CSMD3: variants seen among roughly 807,000 people sequenced by gnomAD.
CSMD3 encodes CUB and sushi domain-containing protein 3.
Under a neutral mutation model 435.2 loss-of-function variants are expected in CSMD3, and 177 were observed. The ratio of observed to expected loss-of-function variants is 0.41; its 90% CI spans 0.36 to 0.46. The LOEUF (loss-of-function observed/expected upper bound fraction) is 0.46. Ranked by LOEUF, CSMD3 falls within the 20% of genes least tolerant of loss-of-function variation. CSMD3 has a pLI of 0.34. For missense variants in CSMD3, 4,265 were observed against 4,504.6 expected (o/e 0.95, Z 1.52); for synonymous variants, 1,656 against 1,520.5 (o/e 1.09, Z -2.07).
chr8:112,615,701 C>A (rs146116630), intron 22 of CSMD3, among the ~76,000 whole-genome samples: 8 of 151,786 alleles, frequency 5.3e-5, no homozygotes, highest in Admixed American at 2.6e-4. Context: ...ATAAACCATA[C>A]GAAAAAAGAG....
rs187689068 is a variant in CSMD3, at chr8:112,374,350, T to C, written c.6136+6002A>G. Reference sequence around the variant, plus strand: ...TCTTTTTCCATATCCTGTAACTCTCTTTTTCACATCTATTTATCTGTATCC... The same window carrying C: ...TCTTTTTCCATATCCTGTAACTCTCCTTTTCACATCTATTTATCTGTATCC... On this transcript the variant is annotated intron_variant, in intron 38 of 70. Transcript: ENST00000297405. Among the ~76,000 whole-genome samples the C allele has an allele frequency of 4.5e-4, 69 of 152,300 alleles. No individual in the cohort carries two copies. In the East Asian group the frequency reaches 0.012, roughly 27 times the overall value.
In CSMD3 at chr8:112,638,891, T is replaced by A. The variant is rs2131590119; in HGVS notation, c.3331A>T (p.Thr1111Ser). ...TCATGATGGTCTTCCAAATGAAAAG[T>A]GTGGAAGTTGAACTGCACACCTATT... ...HGKGVQFNFH[T>S]FHLEDHHDYL... The change falls in exon 21 of 71, where the codon ACT (threonine) becomes TCT (serine). Residue 1111 changes from threonine to serine, a missense_variant. Around this residue, in one of 3 missense-constraint regions of CSMD3, gnomAD observed 3,255 missense variants for 3,380.2 expected, o/e 0.96. Transcript: ENST00000297405. The A allele has an allele frequency of 1.2e-6, 2 of 1,612,682 alleles. No individual in the cohort carries two copies. The highest frequency in any genetic ancestry group is 1.7e-6 in the Non-Finnish European group (2 of 1,179,026).
chr8:112,692,832 G>T (rs2076165215), intron 13 of CSMD3, among the ~76,000 whole-genome samples: 1 of 151,994 alleles, frequency 6.6e-6, no homozygotes, highest in African/African-American at 2.4e-5. Context: ...TTTTATGACA[G>T]TATATTATTA....
chr8:112,932,451 T>G (rs1259294420), intron 9 of CSMD3, among the ~76,000 whole-genome samples: 1 of 152,124 alleles, frequency 6.6e-6, no homozygotes, highest in Non-Finnish European at 1.5e-5. Context: ...TTTCACCATG[T>G]TAGCCAGGGT....
At chr8:112,715,151 A>C (rs1455109034) in intron 13 of CSMD3, among the ~76,000 whole-genome samples, 1 of 152,130 alleles carries the variant, frequency 6.6e-6, no homozygotes, top group Non-Finnish European at 1.5e-5. Context: ...TTTTGAAAAA[A>C]TTAACAAAAT....
chr8:112,496,813 G>T (rs988024075), intron 30 of CSMD3, among the ~76,000 whole-genome samples: 1 of 152,194 alleles, frequency 6.6e-6, no homozygotes, highest in South Asian at 2.1e-4. Context: ...TAGTAGAGGT[G>T]TTGGGGGGAA....
intron 38 of CSMD3, among the ~76,000 whole-genome samples, chr8:112,365,313 T>A (rs1827660040): frequency 6.6e-6 from 1 of 152,048 alleles, no homozygotes; most frequent in Non-Finnish European, 1.5e-5. Context: ...CTTATTTATA[T>A]GTTAGGTAAT....
intron 13 of CSMD3, among the ~76,000 whole-genome samples, chr8:112,697,026 G>C (rs1431747276): frequency 2.6e-5 from 4 of 151,260 alleles, no homozygotes; most frequent in African/African-American, 9.8e-5. Context: ...ACCACAATGA[G>C]ATACCATCTC....
chr8:112,664,278 T>C (rs983233510), intron 17 of CSMD3, among the ~76,000 whole-genome samples: 1 of 152,158 alleles, frequency 6.6e-6, no homozygotes, highest in East Asian at 1.9e-4. Flanking sequence ...GATGAAATCT[T>C]TGTCCTATTG....
chr8:112,696,115 T>C (rs906561311), intron 13 of CSMD3, among the ~76,000 whole-genome samples: 1 of 152,114 alleles, frequency 6.6e-6, no homozygotes, highest in Non-Finnish European at 1.5e-5. Flanking sequence ...CTCATGGATA[T>C]GAAGAATCAG....
intron 1 of CSMD3, among the ~76,000 whole-genome samples, chr8:113,408,730 T>G (rs1303157985): frequency 6.6e-6 from 1 of 151,658 alleles, no homozygotes; most frequent in Non-Finnish European, 1.5e-5. Flanking sequence ...AAATCTTGGC[T>G]CACTGCAACC....
At chr8:113,176,490 T>G (rs1234328611) in intron 3 of CSMD3, among the ~76,000 whole-genome samples, 1 of 152,162 alleles carries the variant, frequency 6.6e-6, no homozygotes, top group African/African-American at 2.4e-5. Flanking sequence ...GATTATGTTC[T>G]GATTGAACAT....
chr8:112,407,281 T>C (rs1010432638), intron 34 of CSMD3, among the ~76,000 whole-genome samples: 1 of 152,020 alleles, frequency 6.6e-6, no homozygotes, highest in African/African-American at 2.4e-5. Context: ...GTCAGACAGA[T>C]TAACAACAAT....
chr8:113,140,104 T>G (rs1212594942), intron 4 of CSMD3, among the ~76,000 whole-genome samples: 1 of 150,918 alleles, frequency 6.6e-6, no homozygotes, highest in Admixed American at 6.6e-5. Context: ...GTTATCATAG[T>G]CAAGGAGCAT....
chr8:112,679,400 T>A (rs1037732540), intron 16 of CSMD3, among the ~76,000 whole-genome samples: 1 of 152,122 alleles, frequency 6.6e-6, no homozygotes, highest in Non-Finnish European at 1.5e-5. Context: ...TTAGTGATGT[T>A]TCCACCTTGC....
intron 3 of CSMD3, among the ~76,000 whole-genome samples, chr8:113,184,722 G>A (rs2092473232): frequency 2.0e-5 from 3 of 151,906 alleles, no homozygotes; most frequent in South Asian, 4.1e-4. Context: ...CTCAGGTGCA[G>A]GCTTTCGTTC....
At chr8:113,315,761 C>A (rs1353436398) in intron 1 of CSMD3, among the ~76,000 whole-genome samples, 1 of 150,748 alleles carries the variant, frequency 6.6e-6, no homozygotes, top group African/African-American at 2.4e-5. Flanking sequence ...CTCTGTCACC[C>A]AGGCTGTAGT....
intron 13 of CSMD3, among the ~76,000 whole-genome samples, chr8:112,746,941 T>C (rs530329836): frequency 2.0e-5 from 3 of 152,126 alleles, no homozygotes; most frequent in Non-Finnish European, 4.4e-5. Flanking sequence ...AAAATTCATG[T>C]AGACATTCTA....
At chr8:112,510,770 G>A (rs936543259) in intron 28 of CSMD3, among the ~76,000 whole-genome samples, 9 of 151,998 alleles carry the variant, frequency 5.9e-5, no homozygotes, top group African/African-American at 2.2e-4. Context: ...CCATTCAGGT[G>A]TCAGCACTCA....
Sources: gnomAD v4.1 joint callset for allele counts (sites outside exome capture counted in the v4.1 genomes callset) on GRCh38, gnomAD v4.1.1 for gene constraint, gnomAD v4.1.1 regional missense constraint, MANE v1.5 for transcripts, NCBI Gene and HGNC (gene_info 2026-07-23, HGNC 2026-07-21) for gene names.